The following HIP1 variants were observed in gnomAD, a reference collection of about 807,000 sequenced individuals.
HIP1 encodes the protein huntingtin interacting protein 1.
A neutral mutation model predicts 147.6 loss-of-function variants in HIP1; 65 were observed. The observed-to-expected ratio is 0.44, with a 90% CI of 0.36 to 0.54. The LOEUF (loss-of-function observed/expected upper bound fraction) is 0.54. Ranked by LOEUF, HIP1 falls within the 20% of genes least tolerant of loss-of-function variation. The probability of loss-of-function intolerance (pLI) is 0.00; values close to 1 mark genes in which losing one functional copy is unlikely to be tolerated. For synonymous variants in HIP1, 479 were observed against 504.0 expected (o/e 0.95, Z 0.67); for missense variants, 1,061 against 1,299.6 (o/e 0.82, Z 2.82).
Position 75,533,327 on chromosome 7 carries a change from T to C in HIP1, c.*4845A>G. 2 of 212,650 alleles carry C rather than the reference T, an allele frequency of 9.4e-6. No homozygotes were observed. The highest frequency in any genetic ancestry group is 9.5e-6 in the Non-Finnish European group (1 of 105,168). The allele number at this position is 212,650 out of a possible 1,614,324, so 13.2% of individuals were successfully genotyped here. On this transcript the variant is annotated 3_prime_UTR_variant, in exon 31 of 31. Transcript: ENST00000336926. ...CAGGCGGAAATATTTATTTGAAAAATTGAAAACACAGATGCAATGTATTAT... is the reference window on the plus strand; with the variant it reads ...CAGGCGGAAATATTTATTTGAAAAACTGAAAACACAGATGCAATGTATTAT...
chr7:75,556,018 T>A lies in HIP1; in HGVS notation c.1827+8A>T. 1 of 1,613,878 alleles carries A rather than the reference T, an allele frequency of 6.2e-7. No individual in the cohort carries two copies. The highest frequency in any genetic ancestry group is 8.5e-7 in the Non-Finnish European group (1 of 1,179,844). ...AGGTGCTCGCTCGTGTCCATGTCCG[T>A]GACTTGCCTCTGTGCTGGCCAGTTT... is the stretch of plus-strand genomic sequence containing the variant. On this transcript the variant is annotated splice_region_variant and intron_variant, in intron 18 of 30. Transcript: ENST00000336926.
Position 75,566,475 on chromosome 7 carries a change from A to T in HIP1, c.803+1724T>A, listed in dbSNP as rs1193601166. On this transcript the variant is annotated intron_variant, in intron 9 of 30. Coordinates refer to ENST00000336926, the MANE Select transcript of HIP1 (RefSeq NM_005338.7). ...TTATATGTAAATTAAGGGGCAGATT[A>T]TGCAGAAATTTCTAGAAAAAAAGTG... Among the ~76,000 whole-genome samples the T allele has an allele frequency of 4.0e-5, 6 of 151,556 alleles. 1 individual carries two copies. Among genetic ancestry groups the T allele is most frequent in the African/African-American group, 1.5e-4 (6 of 40,816 alleles).
At chr7:75,585,494 A>G (rs1226917274) in intron 5 of HIP1, among the ~76,000 whole-genome samples, 4 of 151,732 alleles carry the variant, frequency 2.6e-5, no homozygotes, top group Non-Finnish European at 5.9e-5. Context: ...TCTTAAATCC[A>G]GTTCTCACCT....
intron 1 of HIP1, among the ~76,000 whole-genome samples, chr7:75,683,320 G>A (rs551839225): frequency 1.7e-4 from 26 of 152,152 alleles, no homozygotes; most frequent in African/African-American, 6.0e-4. Flanking sequence ...GTGCTGGTTG[G>A]GGGCACTGGA....
intron 8 of HIP1, among the ~76,000 whole-genome samples, chr7:75,571,309 A>G (rs782779291): frequency 2.0e-5 from 3 of 152,184 alleles, no homozygotes; most frequent in Non-Finnish European, 2.9e-5. Flanking sequence ...TTTCCAGGGG[A>G]AACAATGAAA....
chr7:75,556,849 T>A (rs782151511), intron 16 of HIP1, 38 bp from the exon 17 acceptor site: 2 of 1,198,532 alleles, frequency 1.7e-6, no homozygotes, highest in Admixed American at 1.8e-5. Flanking sequence ...CTGATCTGGG[T>A]GACAGTGACA....
At position 75,545,131 on chromosome 7, in the gene HIP1, T is replaced by G. The variant is rs1794501676; in HGVS notation, c.2617A>C (p.Ile873Leu). The change falls in exon 26 of 31, where the codon ATC becomes CTC. Residue 873 changes from isoleucine to leucine, a missense_variant. By Grantham distance (5) the Ile-to-Leu change is conservative. Coordinates refer to ENST00000336926, the MANE Select transcript of HIP1 (RefSeq NM_005338.7). Reference sequence around the variant, plus strand: ...CAGCCCACAGCCTTGGAGGCTGAGATAAGTCCTTCTGTCCATCGAGAGTTC... The same window carrying G: ...CAGCCCACAGCCTTGGAGGCTGAGAGAAGTCCTTCTGTCCATCGAGAGTTC... ...AKNSRWTEGL[I>L]SASKAVGWGA... The G allele has an allele frequency of 2.5e-6, 4 of 1,612,262 alleles. No individual in the cohort carries two copies.
At chr7:75,542,303 A>G (rs11773783) in intron 28 of HIP1, among the ~76,000 whole-genome samples, 124,048 of 151,578 alleles carry the variant, frequency 0.82, 51,230 homozygotes, top group Middle Eastern at 0.9. Flanking sequence ...GGCTAAGGCA[A>G]GAGAATCACT....
intron 1 of HIP1, among the ~76,000 whole-genome samples, chr7:75,646,160 A>G (rs1584916143): frequency 6.6e-6 from 1 of 151,874 alleles, no homozygotes; most frequent in Admixed American, 6.6e-5. Flanking sequence ...GCTCACTGCA[A>G]CCTCCACCTC....
Position 75,595,240 on chromosome 7 carries a change from CTTTCTTT to C in HIP1, c.185-2733_185-2727del, listed in dbSNP as rs1796669555. 2.6e-3 allele frequency among the ~76,000 whole-genome samples: 299 copies of C among 115,858 alleles called. 1 individual carries two copies. The highest frequency in any genetic ancestry group is 6.0e-3 in the African/African-American group (156 of 25,818). 76.0% of individuals were successfully genotyped at this position (115,858 alleles called of 152,430 possible). ...TCTTTCTTTCTTTCTTTCTTTCTTT[CTTTCTTT>C]CTTTCTTCCTTCCTTCCTTCCTTCC... is the stretch of plus-strand genomic sequence containing the variant. On this transcript the variant is annotated intron_variant, in intron 2 of 30. Transcript: ENST00000336926.
At position 75,541,983 on chromosome 7, in the gene HIP1, G is replaced by C; in HGVS notation, c.2891-3C>G. On this transcript the variant is annotated splice_polypyrimidine_tract_variant and splice_region_variant and intron_variant, in intron 28 of 30. Transcript: ENST00000336926. ...CATGCTTGAGAAGTCCATGTTGTCT[G>C]CAAGGATGGAAACAAGAAGGTCTCA... The C allele has an allele frequency of 6.2e-7, 1 of 1,613,240 alleles. No homozygotes were observed. The highest frequency in any genetic ancestry group is 8.5e-7 in the Non-Finnish European group (1 of 1,179,176).
At chr7:75,583,581 CTT>C (rs1374439337) in intron 5 of HIP1, among the ~76,000 whole-genome samples, 2 of 151,866 alleles carry the variant, frequency 1.3e-5, no homozygotes, top group Admixed American at 6.6e-5. Flanking sequence ...CCAGCTCTCT[CTT>C]GTTTCTCTCT....
intron 1 of HIP1, among the ~76,000 whole-genome samples, chr7:75,621,395 G>C (rs1797843562): frequency 6.6e-6 from 1 of 152,132 alleles, no homozygotes; most frequent in Admixed American, 6.6e-5. Flanking sequence ...TTCCACATAA[G>C]ACTGGGGCCA....
Position 75,652,625 on chromosome 7 carries a change from G to A in HIP1, c.121-53378C>T, listed in dbSNP as rs530360380. 9.9e-5 allele frequency among the ~76,000 whole-genome samples: 15 copies of A among 151,894 alleles called. 1 individual carries two copies. Among genetic ancestry groups the A allele is most frequent in the African/African-American group, 2.7e-4 (11 of 41,428 alleles). The stretch of plus-strand genomic sequence containing the variant: ...AGCAATCCTCCTGCCTTGGCCTCCC[G>A]AAGTGCTGGGACTACAGGCATGAGC... On this transcript the variant is annotated intron_variant, in intron 1 of 30. Coordinates refer to ENST00000336926, the MANE Select transcript of HIP1 (RefSeq NM_005338.7).
At chr7:75,619,288 C>G (rs1741356958) in intron 1 of HIP1, among the ~76,000 whole-genome samples, 1 of 151,976 alleles carries the variant, frequency 6.6e-6, no homozygotes, top group African/African-American at 2.4e-5. Context: ...TTTGGGAAGC[C>G]CAGGTGGGCG....
At chr7:75,662,407 GTCTCAA>G (rs1259145606) in intron 1 of HIP1, among the ~76,000 whole-genome samples, 1 of 152,088 alleles carries the variant, frequency 6.6e-6, no homozygotes, top group African/African-American at 2.4e-5. Flanking sequence ...CAAACTCCTG[GTCTCAA>G]GCAATCCTCC....
At chr7:75,555,952 C>T in intron 18 of HIP1, 74 bp downstream of exon 18, 2 of 1,564,904 alleles carry the variant, frequency 1.3e-6, no homozygotes, top group Admixed American at 1.7e-5. Context: ...GGGGTCCTCC[C>T]AGCCTCCGTG....
chr7:75,645,490 G>A (rs1798773519), intron 1 of HIP1, among the ~76,000 whole-genome samples: 1 of 152,156 alleles, frequency 6.6e-6, no homozygotes, highest in Non-Finnish European at 1.5e-5. Context: ...GCCTCCCAAA[G>A]TGCTGTAATT....
At chr7:75,614,533 A>C (rs1335541405) in intron 1 of HIP1, among the ~76,000 whole-genome samples, 1 of 143,520 alleles carries the variant, frequency 7.0e-6, no homozygotes, top group African/African-American at 2.5e-5. Context: ...AGAGACAGAG[A>C]GCTGACTGGT....
Sources: allele counts gnomAD v4.1 joint callset (sites outside exome capture counted in the v4.1 genomes callset), GRCh38; gene constraint gnomAD v4.1.1; transcripts MANE v1.5; gene names NCBI Gene and HGNC (gene_info 2026-07-23, HGNC 2026-07-21).